The following ZNF704 variants were observed in gnomAD, a reference collection of about 807,000 sequenced individuals.
The protein encoded by ZNF704 is glucocorticoid induced gene 1.
In ZNF704, 10 loss-of-function variants were observed where a neutral mutation model predicts 44.7. The observed-to-expected ratio is 0.22, with a 90% confidence interval of 0.14 to 0.38. The LOEUF (loss-of-function observed/expected upper bound fraction) is 0.38, where lower values mean the gene tolerates loss of function less well. Among genes scored for constraint, ZNF704 ranks in the 10% least tolerant of loss-of-function variants. ZNF704 has a pLI of 1.00. For synonymous variants in ZNF704, 211 were observed against 207.6 expected (o/e 1.02, Z -0.14); for missense variants, 390 against 545.5 (o/e 0.71, Z 2.84).
intron 2 of ZNF704, among the ~76,000 whole-genome samples, chr8:80,712,419 A>T (rs1006600718): frequency 2.6e-5 from 4 of 152,110 alleles, no homozygotes; most frequent in African/African-American, 7.2e-5. Flanking sequence ...TATTTTTTTT[A>T]AAAAGGGAAT....
intron 4 of ZNF704, among the ~76,000 whole-genome samples, chr8:80,671,344 C>A (rs1013294205): frequency 6.6e-6 from 1 of 152,036 alleles, no homozygotes; most frequent in African/African-American, 2.4e-5. Context: ...GCCCAGGCTG[C>A]GGCAATATTT....
intron 4 of ZNF704, among the ~76,000 whole-genome samples, chr8:80,680,122 A>C (rs1313055251): frequency 2.6e-5 from 4 of 152,180 alleles, no homozygotes; most frequent in African/African-American, 9.7e-5. Flanking sequence ...CAGAACCCAG[A>C]GTGATACTTA....
chr8:80,682,010 T>C (rs144764433), intron 4 of ZNF704, among the ~76,000 whole-genome samples: 1 of 152,214 alleles, frequency 6.6e-6, no homozygotes. Flanking sequence ...ATGAAATCCA[T>C]GCAGTTGATC....
At chr8:80,663,465 G>A (rs563754926) in intron 6 of ZNF704, among the ~76,000 whole-genome samples, 7 of 151,908 alleles carry the variant, frequency 4.6e-5, no homozygotes, top group Non-Finnish European at 8.8e-5. Context: ...TCAGACTTTA[G>A]CATGACTCAG....
At chr8:80,793,097 A>G (rs1297485939) in intron 2 of ZNF704, among the ~76,000 whole-genome samples, 2 of 152,238 alleles carry the variant, frequency 1.3e-5, no homozygotes, top group Non-Finnish European at 2.9e-5. Flanking sequence ...TAAAAATGGC[A>G]CATATGTAGG....
At chr8:80,799,104 C>T (rs1807857110) in intron 2 of ZNF704, among the ~76,000 whole-genome samples, 1 of 152,196 alleles carries the variant, frequency 6.6e-6, no homozygotes, top group African/African-American at 2.4e-5. Flanking sequence ...TAACCATTCA[C>T]CTCTTAAAGG....
At chr8:80,783,847 T>C (rs1294096648) in intron 2 of ZNF704, among the ~76,000 whole-genome samples, 1 of 152,132 alleles carries the variant, frequency 6.6e-6, no homozygotes. Context: ...CAAGGTAGTT[T>C]CACTGCCTTA....
At chr8:80,674,216 G>A (rs879278731) in intron 4 of ZNF704, among the ~76,000 whole-genome samples, 14 of 152,150 alleles carry the variant, frequency 9.2e-5, no homozygotes, top group African/African-American at 9.7e-5. Flanking sequence ...TGTAAGATGC[G>A]CCAGATGGGG....
At chr8:80,704,001 ATT>A (rs371282238) in intron 2 of ZNF704, among the ~76,000 whole-genome samples, 5 of 150,186 alleles carry the variant, frequency 3.3e-5, no homozygotes, top group African/African-American at 1.2e-4. Context: ...CGTTCATAGG[ATT>A]TTTTTTTTCC....
chr8:80,865,375 A>C (rs1426352548), intron 1 of ZNF704, among the ~76,000 whole-genome samples: 1 of 152,206 alleles, frequency 6.6e-6, no homozygotes, highest in East Asian at 1.9e-4. Context: ...CTGAACCCAG[A>C]GCCTGTGCCA....
At chr8:80,711,719 A>G (rs1818990519) in intron 2 of ZNF704, among the ~76,000 whole-genome samples, 1 of 152,214 alleles carries the variant, frequency 6.6e-6, no homozygotes, top group African/African-American at 2.4e-5. Context: ...GGAGAAATTA[A>G]AAGGGTGGGG....
intron 2 of ZNF704, among the ~76,000 whole-genome samples, chr8:80,718,542 A>C (rs1055045972): frequency 2.6e-5 from 4 of 152,150 alleles, no homozygotes; most frequent in African/African-American, 9.7e-5. Context: ...ATGGAGCATC[A>C]CATGTTTCTG....
intron 1 of ZNF704, among the ~76,000 whole-genome samples, chr8:80,831,409 C>T (rs576701655): frequency 6.6e-6 from 1 of 152,214 alleles, no homozygotes; most frequent in South Asian, 2.1e-4. Flanking sequence ...AAAACTGTTC[C>T]TGGTGATCTG....
In ZNF704 at chr8:80,661,642, A is replaced by G. The variant is rs989593509; in HGVS notation, c.928-1953T>C. Among the ~76,000 whole-genome samples the G allele has an allele frequency of 4.6e-5, 7 of 152,214 alleles. No homozygotes were observed. The East Asian group carries it at 1.3e-3, about 29-fold the overall frequency. On this transcript the variant is annotated intron_variant, in intron 6 of 8. Transcript: ENST00000327835. ...GAATGATATCCTGTCATTTTCAGCC[A>G]TATGAATGGAACTAGAGGTCACTAT...
chr8:80,643,448 C>T (rs1264347380), intron 7 of ZNF704, among the ~76,000 whole-genome samples: 1 of 126,548 alleles, frequency 7.9e-6, no homozygotes, highest in Non-Finnish European at 1.6e-5. Context: ...AACCCCGGGG[C>T]GGAGGTTGCA....
At chr8:80,796,004 T>A (rs1420390422) in intron 2 of ZNF704, among the ~76,000 whole-genome samples, 1 of 152,218 alleles carries the variant, frequency 6.6e-6, no homozygotes, top group East Asian at 1.9e-4. Flanking sequence ...CCAAAATTTG[T>A]GCCCTTTAAA....
chr8:80,668,504 C>A (rs534459484), intron 5 of ZNF704, among the ~76,000 whole-genome samples: 1 of 152,138 alleles, frequency 6.6e-6, no homozygotes, highest in Non-Finnish European at 1.5e-5. Context: ...GGAAGAAGAA[C>A]GAGCATCTGT....
chr8:80,784,749 A>C (rs1169266632), intron 2 of ZNF704, among the ~76,000 whole-genome samples: 1 of 152,168 alleles, frequency 6.6e-6, no homozygotes, highest in African/African-American at 2.4e-5. Context: ...ATTTTGACGA[A>C]GTACAGCTTA....
rs144555287 is a variant in ZNF704 at position 80,714,696 on chromosome 8, C to A, written c.222-21589G>T. Among the ~76,000 whole-genome samples, 836 of 152,246 alleles carry A rather than the reference C, an allele frequency of 5.5e-3. 4 individuals are homozygous for A. The highest frequency in any genetic ancestry group is 8.6e-3 in the Non-Finnish European group (584 of 68,030). Reference sequence around the variant, plus strand: ...AGCTCAAAAATTGAATTTCTCTTAGCGACCATTAGTTTCTATTTGACTGAT... The same window carrying A: ...AGCTCAAAAATTGAATTTCTCTTAGAGACCATTAGTTTCTATTTGACTGAT... On this transcript the variant is annotated intron_variant, in intron 2 of 8. Coordinates refer to ENST00000327835, the MANE Select transcript of ZNF704 (RefSeq NM_001033723.3).
Sources: allele counts gnomAD v4.1 joint callset (sites outside exome capture counted in the v4.1 genomes callset), GRCh38; gene constraint gnomAD v4.1.1; transcripts MANE v1.5; gene names NCBI Gene and HGNC (gene_info 2026-07-23, HGNC 2026-07-21).